The following BLTP1 variants were observed in gnomAD, a reference collection of about 807,000 sequenced individuals.
BLTP1 encodes bridge-like lipid transfer protein family member 1.
At chr4:122,219,222 C>A in the BLTP1 span, 1 of 1,455,848 alleles carries the variant, frequency 6.9e-7, no homozygotes, top group South Asian at 1.4e-5. Flanking sequence ...AGGCCTGATG[C>A]CTTTTTATTA....
the BLTP1 span, chr4:122,257,573 GTA>G: frequency 7.5e-6 from 10 of 1,337,978 alleles, no homozygotes; most frequent in Non-Finnish European, 1.0e-5. Flanking sequence ...CACAATTACT[GTA>G]TGTTTTTTGC....
chr4:122,227,344 G>T, the BLTP1 span: 1 of 985,498 alleles, frequency 1.0e-6, no homozygotes, highest in Non-Finnish European at 1.2e-6. Context: ...CTTCACAAGG[G>T]TTGCAAAAAG....
At chr4:122,277,009 AAT>A in the BLTP1 span, 1 of 983,952 alleles carries the variant, frequency 1.0e-6, no homozygotes, top group Non-Finnish European at 1.2e-6. Context: ...ATTAATATGA[AAT>A]ATGTATTTTG....
chr4:122,278,212 C>A, the BLTP1 span, among the ~76,000 whole-genome samples: 3,087 of 152,254 alleles, frequency 0.02, 99 homozygotes, highest in African/African-American at 0.07. Context: ...TAAGGTCCAT[C>A]AAGTTCAAGA....
chr4:122,332,404 C>G, the BLTP1 span, among the ~76,000 whole-genome samples: 1 of 151,822 alleles, frequency 6.6e-6, no homozygotes, highest in Non-Finnish European at 1.5e-5. Context: ...TGTATTTTTA[C>G]TATATAAAGG....
the BLTP1 span, chr4:122,310,972 A>T: frequency 1.3e-6 from 1 of 789,706 alleles, no homozygotes; most frequent in Non-Finnish European, 1.5e-6. Context: ...CAATAGTTAT[A>T]CATGGCTTTT....
chr4:122,299,705 G>GT, the BLTP1 span: 16 of 680,208 alleles, frequency 2.4e-5, no homozygotes, highest in African/African-American at 3.9e-5. Context: ...TGATAGCTGG[G>GT]TTGGGGGGGT....
At chr4:122,302,381 A>G in the BLTP1 span, 40 of 244,826 alleles carry the variant, frequency 1.6e-4, no homozygotes, top group Admixed American at 1.7e-3. Context: ...CATTTTTCCA[A>G]TAGCATATAT....
At chr4:122,209,199 A>G in the BLTP1 span, 1 of 1,612,774 alleles carries the variant, frequency 6.2e-7, no homozygotes, top group Non-Finnish European at 8.5e-7. Flanking sequence ...CCAGACTGCC[A>G]CCCTAGTAAA....
At chr4:122,161,820 C>G in the BLTP1 span, among the ~76,000 whole-genome samples, 1 of 152,130 alleles carries the variant, frequency 6.6e-6, no homozygotes, top group African/African-American at 2.4e-5. Flanking sequence ...GACAATAGCT[C>G]ATAATGATGT....
At chr4:122,329,284 T>A in the BLTP1 span, among the ~76,000 whole-genome samples, 1 of 151,770 alleles carries the variant, frequency 6.6e-6, no homozygotes, top group Admixed American at 6.6e-5. Context: ...TAAGAAAAAC[T>A]GTTCTGTTAT....
At chr4:122,205,463 G>A in the BLTP1 span, among the ~76,000 whole-genome samples, 6 of 151,436 alleles carry the variant, frequency 4.0e-5, no homozygotes, top group African/African-American at 1.2e-4. Flanking sequence ...ACTGTCTAAT[G>A]TCAGTCTGTG....
At chr4:122,299,921 G>T in the BLTP1 span, 2 of 984,878 alleles carry the variant, frequency 2.0e-6, no homozygotes, top group South Asian at 4.7e-5. Flanking sequence ...GAGAGGAAAG[G>T]TACAAGCGTA....
chr4:122,245,228 G>C, the BLTP1 span: 1 of 1,177,474 alleles, frequency 8.5e-7, no homozygotes, highest in Admixed American at 2.1e-5. Context: ...TTCTTTACAA[G>C]TTAAATCAGA....
At chr4:122,187,158 T>C in the BLTP1 span, 1 of 984,466 alleles carries the variant, frequency 1.0e-6, no homozygotes, top group Non-Finnish European at 1.2e-6. Context: ...TCATCCCTTA[T>C]AGTTTTGTCA....
chr4:122,344,577 G>A, the BLTP1 span: 1 of 1,526,004 alleles, frequency 6.6e-7, no homozygotes, highest in Non-Finnish European at 9.1e-7. Context: ...CAATTTTATA[G>A]TTTTTAAATT....
At chr4:122,321,564 T>A in the BLTP1 span, among the ~76,000 whole-genome samples, 1 of 151,964 alleles carries the variant, frequency 6.6e-6, no homozygotes, top group Admixed American at 6.6e-5. Context: ...CTCACACACA[T>A]GTGATATATA....
At chr4:122,325,207 T>C in the BLTP1 span, 1 of 1,576,916 alleles carries the variant, frequency 6.3e-7, no homozygotes, top group Non-Finnish European at 8.7e-7. Context: ...ATTGGTGTTT[T>C]ATAACTTTAT....
At chr4:122,157,719 A>G in the BLTP1 span, among the ~76,000 whole-genome samples, 1 of 152,120 alleles carries the variant, frequency 6.6e-6, no homozygotes, top group African/African-American at 2.4e-5. Context: ...GTTTAATTCC[A>G]TGATGGCTCA....
Sources: allele counts gnomAD v4.1 joint callset (sites outside exome capture counted in the v4.1 genomes callset), GRCh38; gene constraint gnomAD v4.1.1; transcripts MANE v1.5; gene names NCBI Gene and HGNC (gene_info 2026-07-23, HGNC 2026-07-21).